The following KIR3DL2 variants were observed in gnomAD, a reference collection of about 807,000 sequenced individuals.
KIR3DL2 encodes killer cell immunoglobulin like receptor, three Ig domains and long cytoplasmic tail 2.
A neutral mutation model predicts 41.6 loss-of-function variants in KIR3DL2; 42 were observed. The ratio of observed to expected loss-of-function variants is 1.01; its 90% CI spans 0.79 to 1.31. The LOEUF (loss-of-function observed/expected upper bound fraction) is 1.31. KIR3DL2 is among the 50% of genes most tolerant of loss of function. The pLI, the probability that KIR3DL2 is intolerant of heterozygous loss-of-function variation, is 0.00. For synonymous variants in KIR3DL2, 230 were observed against 221.3 expected (o/e 1.04, Z -0.35); for missense variants, 728 against 576.8 (o/e 1.26, Z -2.68).
rs2915988 is a variant in KIR3DL2, at chr19:54,865,908, G to C, written c.1104G>C (p.Lys368Asn). The C allele has an allele frequency of 6.4e-7, 1 of 1,563,142 alleles. No homozygotes were observed. Among genetic ancestry groups the C allele is most frequent in the Non-Finnish European group, 8.8e-7 (1 of 1,140,260 alleles). The change falls in exon 7 of 9, where the codon AAG becomes AAC. Residue 368 changes from lysine to asparagine, a missense_variant and splice_region_variant. Physicochemically the swap from Lys to Asn is moderately conservative, Grantham distance 94. Transcript: ENST00000326321. ...TTTATCGCTGGTGCTCCAACAAAAAGAGTAAGTCTCACGAAGCAGAGGCCA... is the reference window on the plus strand; with the variant it reads ...TTTATCGCTGGTGCTCCAACAAAAACAGTAAGTCTCACGAAGCAGAGGCCA... ...FLLYRWCSNK[K>N]NAAVMDQEPA... is the part of the protein sequence containing the mutation.
chr19:54,863,019 C>A (rs1601821747), intron 6 of KIR3DL2, among the ~76,000 whole-genome samples: 1 of 90,270 alleles, frequency 1.1e-5, no homozygotes, highest in South Asian at 4.6e-4. Flanking sequence ...CCCCACCCCA[C>A]AACAGTCCCC....
At position 54,858,113 on chromosome 19, in the gene KIR3DL2, G is replaced by C. The variant is rs376256446; in HGVS notation, c.950-966G>C. ...ATTTTGTGGGTTGTCTCTTCACTTT[G>C]TTGGTTTATCTTTGGTGGTGCAGAA... is the stretch of plus-strand genomic sequence containing the variant. On this transcript the variant is annotated intron_variant, in intron 5 of 8. Coordinates refer to ENST00000326321, the MANE Select transcript of KIR3DL2 (RefSeq NM_006737.4). Among the ~76,000 whole-genome samples, 94 of 151,172 alleles carry C rather than the reference G, an allele frequency of 6.2e-4. 4 individuals are homozygous for C. Among genetic ancestry groups the C allele is most frequent in the African/African-American group, 2.0e-3 (82 of 40,930 alleles).
At chr19:54,857,379 C>G (rs2064866076) in intron 5 of KIR3DL2, among the ~76,000 whole-genome samples, 1 of 151,384 alleles carries the variant, frequency 6.6e-6, no homozygotes, top group South Asian at 2.1e-4. Flanking sequence ...GCATAAGCCA[C>G]TATGCCCAGC....
intron 4 of KIR3DL2, 80 bp from the exon 5 acceptor site, chr19:54,855,539 G>C: frequency 1.3e-6 from 2 of 1,547,506 alleles, no homozygotes; most frequent in Middle Eastern, 1.8e-4. Context: ...TAGAGCAGGG[G>C]AGTGAGTTCT....
intron 2 of KIR3DL2, among the ~76,000 whole-genome samples, chr19:54,851,457 G>A (rs1461416029): frequency 1.3e-5 from 2 of 151,090 alleles, no homozygotes; most frequent in Non-Finnish European, 2.9e-5. Flanking sequence ...GGGTGAGACT[G>A]GGGTGCTCCA....
intron 6 of KIR3DL2, among the ~76,000 whole-genome samples, chr19:54,862,255 T>A (rs117675776): frequency 0.04 from 6,152 of 152,226 alleles, 216 homozygotes; most frequent in South Asian, 0.12. Flanking sequence ...TTTTTTGATC[T>A]TGATTTCACT....
intron 6 of KIR3DL2, 54 bp from the exon 7 acceptor site, chr19:54,865,751 C>A: frequency 1.4e-6 from 2 of 1,437,654 alleles, no homozygotes; most frequent in Non-Finnish European, 2.0e-6. Context: ...TGAGACAATC[C>A]ATAAAGAGGA....
intron 2 of KIR3DL2, among the ~76,000 whole-genome samples, chr19:54,851,472 G>C (rs1172285298): frequency 4.6e-5 from 7 of 151,182 alleles, no homozygotes; most frequent in African/African-American, 1.7e-4. Flanking sequence ...GCTCCAAGCT[G>C]GGGTGTGCAG....
intron 7 of KIR3DL2, 100 bp downstream of exon 7, chr19:54,866,009 G>T: frequency 9.8e-6 from 11 of 1,124,838 alleles, no homozygotes; most frequent in Non-Finnish European, 1.4e-5. Flanking sequence ...ATGGTCCCTG[G>T]CCCAAGGGAG....
rs769197474 is a variant in KIR3DL2, at chr19:54,853,983, T to C, written c.592T>C (p.Ser198Pro). Residue 198 changes from serine (S) to proline (P), a missense_variant, in exon 4 of 9, where the codon TCT becomes CCT. Transcript: ENST00000326321. ...TGCAGGAACCTACAGATGTTATGGT[T>C]CTGTTCCTCACTCCCCCTATCAGTT... The part of the protein sequence containing the change: ...VLAGTYRCYG[S>P]VPHSPYQLSA... 1.9e-6 allele frequency: 3 copies of C among 1,613,314 alleles called. No homozygotes were observed. In the South Asian group the frequency reaches 3.3e-5, roughly 18 times the overall value.
chr19:54,864,372 A>T (rs933003697), intron 6 of KIR3DL2, among the ~76,000 whole-genome samples: 2 of 152,082 alleles, frequency 1.3e-5, no homozygotes, highest in African/African-American at 4.8e-5. Flanking sequence ...ACTTTAAGGT[A>T]GTTTTTTCCA....
chr19:54,866,527 T>A lies in KIR3DL2; in HGVS notation c.1164T>A (p.Ser388=). ...CAGCATTTCCCTCTCTCCAGGACTC[T>A]GATGAACAAGACCCTCAGGAGGTGA... is the stretch of plus-strand genomic sequence containing the variant. ...AGDRTVNRQD[S]DEQDPQEVTY... is the part of the protein sequence containing the mutation. Residue 388 remains serine, a synonymous_variant, in exon 9 of 9, where the codon TCT becomes TCA. Coordinates refer to ENST00000326321, the MANE Select transcript of KIR3DL2 (RefSeq NM_006737.4). The A allele has an allele frequency of 6.2e-7, 1 of 1,614,072 alleles. No homozygotes were observed. Among genetic ancestry groups the A allele is most frequent in the South Asian group, 1.1e-5 (1 of 91,082 alleles).
chr19:54,859,444 T>C (rs967667140), intron 6 of KIR3DL2, among the ~76,000 whole-genome samples: 1 of 151,494 alleles, frequency 6.6e-6, no homozygotes, highest in Non-Finnish European at 1.5e-5. Context: ...TCCCGGGGGC[T>C]TGAGAGAGGG....
rs778873577 is a variant in KIR3DL2, at chr19:54,853,911, G to A, written c.520G>A (p.Gly174Arg). The A allele has an allele frequency of 5.0e-5, 81 of 1,613,212 alleles. 1 individual carries two copies. In the Admixed American group the frequency reaches 1.2e-3, roughly 23 times the overall value. The change falls in exon 4 of 9, where the codon GGG becomes AGG. Residue 174 changes from glycine (G) to arginine (R), a missense_variant. Transcript: ENST00000326321. ...ACGCCTCGTTGGACAGATCCATGAT[G>A]GGGTCTCCAAGGCCAACTTCTCCAT... ...PSRLVGQIHD[G>R]VSKANFSIGP...
intron 5 of KIR3DL2, among the ~76,000 whole-genome samples, chr19:54,857,920 A>G (rs1436902409): frequency 6.6e-6 from 1 of 151,822 alleles, no homozygotes; most frequent in African/African-American, 2.4e-5. Context: ...GATGCTGAGC[A>G]CTTTTTCATA....
At chr19:54,860,707 T>A (rs10407958) in intron 6 of KIR3DL2, among the ~76,000 whole-genome samples, 18,973 of 149,716 alleles carry the variant, frequency 0.13, 1,472 homozygotes, top group African/African-American at 0.19. Flanking sequence ...TAATGCTGAG[T>A]GTATTATTTC....
chr19:54,862,139 G>A (rs2065219629), intron 6 of KIR3DL2, among the ~76,000 whole-genome samples: 1 of 152,100 alleles, frequency 6.6e-6, no homozygotes, highest in South Asian at 2.1e-4. Context: ...CTCTCAGGTG[G>A]AACAGCAGCC....
intron 4 of KIR3DL2, among the ~76,000 whole-genome samples, chr19:54,854,845 A>G (rs2064608687): frequency 6.6e-6 from 1 of 151,768 alleles, no homozygotes; most frequent in South Asian, 2.1e-4. Flanking sequence ...ACAAAGACAG[A>G]GAAAGATAAA....
chr19:54,865,117 G>A (rs577559869), intron 6 of KIR3DL2, among the ~76,000 whole-genome samples: 6 of 151,838 alleles, frequency 4.0e-5, no homozygotes, highest in South Asian at 2.1e-4. Context: ...TGAGATAGTC[G>A]TCCGGTTTTT....
Sources: allele counts gnomAD v4.1 joint callset (sites outside exome capture counted in the v4.1 genomes callset), GRCh38; gene constraint gnomAD v4.1.1; transcripts MANE v1.5; gene names NCBI Gene and HGNC (gene_info 2026-07-23, HGNC 2026-07-21).